The following PLXNA2 variants were observed in gnomAD, a reference collection of about 807,000 sequenced individuals.
PLXNA2 encodes plexin-A2.
Under a neutral mutation model 193.5 loss-of-function variants are expected in PLXNA2, and 91 were observed. That is an observed-to-expected ratio of 0.47 (90% CI 0.40 to 0.56). The LOEUF (loss-of-function observed/expected upper bound fraction) is 0.56. Ranked by LOEUF, PLXNA2 falls within the 20% of genes least tolerant of loss-of-function variation. The pLI is 0.00. For missense variants in PLXNA2, 1,995 were observed against 2,503.2 expected (o/e 0.80, Z 4.33); for synonymous variants, 997 against 1,027.3 (o/e 0.97, Z 0.56).
chr1:208,053,701 C>T (rs541995648), intron 14 of PLXNA2, among the ~76,000 whole-genome samples: 129 of 152,052 alleles, frequency 8.5e-4, no homozygotes, highest in Non-Finnish European at 1.5e-3. Flanking sequence ...ACTTCGGGGC[C>T]GAAGAAGCCA....
At chr1:208,106,903 G>A (rs1667287882) in intron 4 of PLXNA2, among the ~76,000 whole-genome samples, 1 of 152,216 alleles carries the variant, frequency 6.6e-6, no homozygotes, top group Non-Finnish European at 1.5e-5. Context: ...GAGCATTCCA[G>A]GTGGAAAGAA....
intron 3 of PLXNA2, among the ~76,000 whole-genome samples, chr1:208,159,664 C>T (rs1279734388): frequency 2.0e-5 from 3 of 152,262 alleles, no homozygotes; most frequent in African/African-American, 7.2e-5. Flanking sequence ...ACTTGCAATT[C>T]TTGCTGACAT....
At position 208,028,654 on chromosome 1, in the gene PLXNA2, T is replaced by C. The variant is rs1215175630; in HGVS notation, c.5438+176A>G. ...GTAATTAGGATGATAATCATCTGAC[T>C]TCCACGGGCACAAAGCCACCCTTCC... On this transcript the variant is annotated intron_variant, in intron 30 of 31. Transcript: ENST00000367033. This position sits in a 1 kb window ranked among gnomAD's most constrained non-coding sequence, Gnocchi z 4.2. 6.6e-6 allele frequency among the ~76,000 whole-genome samples: 1 copy of C among 152,220 alleles called. No individual in the cohort carries two copies. Among genetic ancestry groups the C allele is most frequent in the Non-Finnish European group, 1.5e-5 (1 of 68,038 alleles).
chr1:208,225,608 C>G (rs929045447), intron 1 of PLXNA2, among the ~76,000 whole-genome samples: 1 of 152,188 alleles, frequency 6.6e-6, no homozygotes, highest in Non-Finnish European at 1.5e-5. Flanking sequence ...CCATGGCACC[C>G]GTCCCTGAGA....
At chr1:208,113,152 A>G (rs2102435391) in intron 4 of PLXNA2, among the ~76,000 whole-genome samples, 1 of 152,108 alleles carries the variant, frequency 6.6e-6, no homozygotes, top group East Asian at 1.9e-4. Flanking sequence ...ACTAAAACAG[A>G]CCTCTCATCT....
intron 3 of PLXNA2, among the ~76,000 whole-genome samples, chr1:208,155,826 A>G (rs2102505720): frequency 6.6e-6 from 1 of 152,248 alleles, no homozygotes; most frequent in African/African-American, 2.4e-5. Context: ...GGGGAGCATC[A>G]CATGGCTTCC....
chr1:208,163,155 A>G (rs994363561), intron 3 of PLXNA2, among the ~76,000 whole-genome samples: 4 of 152,158 alleles, frequency 2.6e-5, no homozygotes, highest in African/African-American at 9.7e-5. Flanking sequence ...AGCTGGAAGA[A>G]CAGGGTGTGA....
chr1:208,111,072 C>T (rs980846813), intron 4 of PLXNA2, among the ~76,000 whole-genome samples: 44 of 151,838 alleles, frequency 2.9e-4, no homozygotes, highest in African/African-American at 8.5e-4. Context: ...TTTTTTTAAA[C>T]GACAGTCTTG....
At chr1:208,188,403 A>G (rs773590519) in intron 3 of PLXNA2, among the ~76,000 whole-genome samples, 3 of 152,150 alleles carry the variant, frequency 2.0e-5, no homozygotes, top group South Asian at 2.1e-4. Context: ...TCTCAGTTCA[A>G]TCCATTTGCA....
chr1:208,149,146 G>A (rs1322920589), intron 3 of PLXNA2, among the ~76,000 whole-genome samples: 1 of 152,106 alleles, frequency 6.6e-6, no homozygotes, highest in East Asian at 1.9e-4. Flanking sequence ...TATGTGGCAT[G>A]TGAATGTGTA....
At position 208,043,148 on chromosome 1, in the gene PLXNA2, T is replaced by C. The variant is rs772675270; in HGVS notation, c.3930A>G (p.Ser1310=). ...INELTSDLDR[S]GIPYLDYRTY... ...TACGATAGTCCAGGTAAGGGATTCC[T>C]GAGCGGTCCAGGTCACTGGTCAACT... The change falls in exon 21 of 32, where the codon TCA becomes TCG. Residue 1310 remains serine, a synonymous_variant. Coordinates refer to ENST00000367033, the MANE Select transcript of PLXNA2 (RefSeq NM_025179.4). 2 of 1,614,178 alleles carry C rather than the reference T, an allele frequency of 1.2e-6. No individual in the cohort carries two copies. The highest frequency in any genetic ancestry group is 1.7e-5 in the Admixed American group (1 of 60,034).
rs1440353372 is a variant in PLXNA2, at chr1:208,128,477, TC to T, written c.1506+13851del. On this transcript the variant is annotated intron_variant, in intron 4 of 31. Coordinates refer to ENST00000367033, the MANE Select transcript of PLXNA2 (RefSeq NM_025179.4). ...TCCTATCAGGTAGGTATTATTGTTA[TC>T]CCCACTTTACAGAAGACAAGACCAA... Among the ~76,000 whole-genome samples the T allele has an allele frequency of 2.0e-5, 3 of 151,058 alleles. No individual in the cohort carries two copies. The East Asian group carries it at 5.9e-4, about 30-fold the overall frequency.
intron 12 of PLXNA2, among the ~76,000 whole-genome samples, chr1:208,078,888 C>T (rs1455837880): frequency 1.3e-5 from 2 of 152,196 alleles, no homozygotes; most frequent in Non-Finnish European, 2.9e-5. Context: ...CCTGAAATCA[C>T]ATTTCTGCTG....
intron 4 of PLXNA2, among the ~76,000 whole-genome samples, chr1:208,137,357 C>A (rs1668334332): frequency 6.6e-6 from 1 of 152,240 alleles, no homozygotes; most frequent in Non-Finnish European, 1.5e-5. Context: ...TTCCCATCCA[C>A]CCTGTGTATA....
intron 3 of PLXNA2, among the ~76,000 whole-genome samples, chr1:208,183,197 C>G (rs1028583829): frequency 6.6e-6 from 1 of 151,922 alleles, no homozygotes; most frequent in African/African-American, 2.4e-5. Context: ...GGTGGGGGCA[C>G]AAGAGTTTGG....
At chr1:208,050,271 C>A (rs368132509) in intron 17 of PLXNA2, among the ~76,000 whole-genome samples, 4 of 152,234 alleles carry the variant, frequency 2.6e-5, no homozygotes, top group African/African-American at 9.6e-5. Context: ...CCATTCATAG[C>A]TGAGAGGTGG....
chr1:208,037,904 A>C (rs975169433), intron 26 of PLXNA2, among the ~76,000 whole-genome samples: 7 of 110,192 alleles, frequency 6.4e-5, no homozygotes, highest in African/African-American at 1.7e-4. Flanking sequence ...CCAGCTACTA[A>C]GAGGAAGAAT....
chr1:208,211,422 G>A (rs999563016), intron 2 of PLXNA2, among the ~76,000 whole-genome samples: 1 of 152,166 alleles, frequency 6.6e-6, no homozygotes, highest in East Asian at 1.9e-4. Flanking sequence ...GGCCGGGCAC[G>A]GTGGCTCACG....
intron 3 of PLXNA2, among the ~76,000 whole-genome samples, chr1:208,156,442 A>C (rs1165283623): frequency 6.6e-6 from 1 of 152,096 alleles, no homozygotes; most frequent in Non-Finnish European, 1.5e-5. Context: ...TTTACATGCA[A>C]ATCATTTACA....
Sources: allele counts gnomAD v4.1 joint callset (sites outside exome capture counted in the v4.1 genomes callset), GRCh38; gene constraint gnomAD v4.1.1; non-coding constraint Gnocchi (gnomAD v3.1); transcripts MANE v1.5; gene names NCBI Gene and HGNC (gene_info 2026-07-23, HGNC 2026-07-21).